Variants in SUCLG2 observed in about 807,000 individuals in gnomAD.
The protein encoded by SUCLG2 is succinate--CoA ligase [GDP-forming] subunit beta, mitochondrial.
SUCLG2 carries 42 observed loss-of-function variants against 47.9 expected under a neutral mutation model. The observed-to-expected ratio is 0.88, with a 90% CI of 0.69 to 1.14. The LOEUF (loss-of-function observed/expected upper bound fraction) is 1.14. Ranked by LOEUF, SUCLG2 falls within the 50% of genes most tolerant of loss-of-function variation. The probability of loss-of-function intolerance (pLI) is 0.00; values close to 1 mark genes in which losing one functional copy is unlikely to be tolerated. For missense variants in SUCLG2, 571 were observed against 525.9 expected (o/e 1.09, Z -0.84); for synonymous variants, 195 against 197.3 (o/e 0.99, Z 0.10).
At chr3:67,380,890 C>T (rs1165754163) in intron 10 of SUCLG2, among the ~76,000 whole-genome samples, 2 of 152,206 alleles carry the variant, frequency 1.3e-5, no homozygotes, top group Non-Finnish European at 2.9e-5. Flanking sequence ...TTGCAGCATT[C>T]AACCTGGTTT....
intron 10 of SUCLG2, among the ~76,000 whole-genome samples, chr3:67,379,110 C>G (rs1702096041): frequency 1.3e-5 from 2 of 152,094 alleles, no homozygotes; most frequent in African/African-American, 4.8e-5. Flanking sequence ...CCTCTCCCAA[C>G]CAATTTTTGT....
intron 9 of SUCLG2, among the ~76,000 whole-genome samples, chr3:67,484,787 C>G (rs571470356): frequency 1.0e-3 from 154 of 152,216 alleles, no homozygotes; most frequent in African/African-American, 3.6e-3. Context: ...AAGGATACAT[C>G]TGATGATGGT....
chr3:67,574,000 A>G (rs550161244), intron 2 of SUCLG2, among the ~76,000 whole-genome samples: 1 of 152,162 alleles, frequency 6.6e-6, no homozygotes, highest in African/African-American at 2.4e-5. Flanking sequence ...CTGGGCTTGT[A>G]GTACTAAGAT....
At chr3:67,426,986 A>T (rs902562935) in intron 9 of SUCLG2, among the ~76,000 whole-genome samples, 1 of 152,138 alleles carries the variant, frequency 6.6e-6, no homozygotes, top group Middle Eastern at 3.2e-3. Flanking sequence ...CTTTAAACAC[A>T]TAAAATAATA....
chr3:67,397,907 G>C (rs6785193), intron 10 of SUCLG2, among the ~76,000 whole-genome samples: 109,697 of 148,100 alleles, frequency 0.74, 41,442 homozygotes, highest in Admixed American at 0.82. Flanking sequence ...CTGACAAAAA[G>C]AAGCAATGGG....
intron 1 of SUCLG2, among the ~76,000 whole-genome samples, chr3:67,637,749 C>G (rs1284493451): frequency 2.6e-5 from 4 of 152,164 alleles, no homozygotes; most frequent in Non-Finnish European, 5.9e-5. Context: ...AGAGAGATGA[C>G]TTGCCCAAGG....
At chr3:67,623,346 A>G (rs1700767720) in intron 1 of SUCLG2, among the ~76,000 whole-genome samples, 1 of 151,910 alleles carries the variant, frequency 6.6e-6, no homozygotes, top group Non-Finnish European at 1.5e-5. Context: ...TAAAAATACA[A>G]AAAAATTAGC....
chr3:67,654,274 G>A (rs1352548462), intron 1 of SUCLG2, among the ~76,000 whole-genome samples: 4 of 152,206 alleles, frequency 2.6e-5, no homozygotes, highest in Non-Finnish European at 5.9e-5. Context: ...CTAGTGCGTT[G>A]GGTCGCTCAT....
chr3:67,375,035 T>C lies in SUCLG2; in HGVS notation c.*709A>G. On this transcript the variant is annotated 3_prime_UTR_variant, in exon 11 of 11. Coordinates refer to ENST00000307227, the MANE Select transcript of SUCLG2 (RefSeq NM_003848.4). ...TCATTTTTGACACAAAAATGGAAGCTTCCACTCCCAAAATCACAAATAAGG... is the reference window on the plus strand; with the variant it reads ...TCATTTTTGACACAAAAATGGAAGCCTCCACTCCCAAAATCACAAATAAGG... 1 of 985,818 alleles carries C rather than the reference T, an allele frequency of 1.0e-6. No homozygotes were observed. Among genetic ancestry groups the C allele is most frequent in the Non-Finnish European group, 1.2e-6 (1 of 829,908 alleles). 61.1% of individuals were successfully genotyped at this position (985,818 alleles called of 1,614,324 possible).
At chr3:67,555,521 G>A (rs752693653) in intron 2 of SUCLG2, among the ~76,000 whole-genome samples, 31 of 152,086 alleles carry the variant, frequency 2.0e-4, no homozygotes, top group Non-Finnish European at 4.4e-5. Context: ...AACAACCAGG[G>A]TTTCTTAGAG....
intron 9 of SUCLG2, among the ~76,000 whole-genome samples, chr3:67,493,165 G>C (rs377372376): frequency 9.2e-5 from 14 of 152,274 alleles, no homozygotes; most frequent in South Asian, 4.1e-4. Context: ...ACTACAGCCA[G>C]TTTGCTTGCA....
chr3:67,485,138 G>C (rs1255350860), intron 9 of SUCLG2, among the ~76,000 whole-genome samples: 1 of 152,206 alleles, frequency 6.6e-6, no homozygotes, highest in African/African-American at 2.4e-5. Context: ...CAGCAACTTA[G>C]AGGGACTGTG....
At chr3:67,467,059 C>T (rs1057032442) in intron 9 of SUCLG2, among the ~76,000 whole-genome samples, 5 of 152,282 alleles carry the variant, frequency 3.3e-5, no homozygotes, top group African/African-American at 1.2e-4. Context: ...AATTGAGAAT[C>T]GGAACTTCCA....
chr3:67,482,138 C>T (rs1475300806), intron 9 of SUCLG2, among the ~76,000 whole-genome samples: 5 of 152,176 alleles, frequency 3.3e-5, no homozygotes, highest in Non-Finnish European at 1.5e-5. Context: ...CAAGATCATG[C>T]CACTGCACTC....
Position 67,654,605 on chromosome 3 carries a change from C to G in SUCLG2, c.-19G>C. On this transcript the variant is annotated 5_prime_UTR_variant, in exon 1 of 11. Transcript: ENST00000307227. Reference sequence around the variant, plus strand: ...ACGCCATCTTAAACAGGAAACTCGGCACGGGGCAGTAGGGCGGGCGCGGGC... The same window carrying G: ...ACGCCATCTTAAACAGGAAACTCGGGACGGGGCAGTAGGGCGGGCGCGGGC... 1.6e-6 allele frequency: 2 copies of G among 1,265,514 alleles called. No homozygotes were observed. Among genetic ancestry groups the G allele is most frequent in the Middle Eastern group, 2.7e-4 (1 of 3,770 alleles). 78.4% of individuals were successfully genotyped at this position (1,265,514 alleles called of 1,614,324 possible). A position where few individuals can be genotyped will look rare whatever the true frequency, so the allele number is the denominator to read the frequency against.
chr3:67,583,357 C>G (rs969471185), intron 2 of SUCLG2, among the ~76,000 whole-genome samples: 20 of 152,188 alleles, frequency 1.3e-4, no homozygotes, highest in African/African-American at 4.3e-4. Context: ...TCCCTACAGG[C>G]CAATTTCGGC....
intron 6 of SUCLG2, among the ~76,000 whole-genome samples, chr3:67,511,056 T>C (rs777258659): frequency 1.4e-4 from 21 of 151,964 alleles, no homozygotes; most frequent in Non-Finnish European, 2.4e-4. Flanking sequence ...GCCTGGCTAA[T>C]TTTTTATATT....
intron 2 of SUCLG2, among the ~76,000 whole-genome samples, chr3:67,551,877 GCC>G (rs1330153509): frequency 6.6e-6 from 1 of 152,068 alleles, no homozygotes; most frequent in East Asian, 1.9e-4. Context: ...AAAGTCACTT[GCC>G]CAATATCACA....
rs145248669 is a variant in SUCLG2, at chr3:67,543,001, A to T, written c.227-13815T>A. ...ACATCTACAGAACTCTCCACCCCCA[A>T]TCAACAGAATATACATTCTTCTCAC... On this transcript the variant is annotated intron_variant, in intron 2 of 10. Coordinates refer to ENST00000307227, the MANE Select transcript of SUCLG2 (RefSeq NM_003848.4). 8.5e-5 allele frequency among the ~76,000 whole-genome samples: 13 copies of T among 152,296 alleles called. No homozygotes were observed. In the South Asian group the frequency reaches 2.5e-3, roughly 29 times the overall value.
Sources: gnomAD v4.1 joint callset for allele counts (sites outside exome capture counted in the v4.1 genomes callset) on GRCh38, gnomAD v4.1.1 for gene constraint, MANE v1.5 for transcripts, NCBI Gene and HGNC (gene_info 2026-07-23, HGNC 2026-07-21) for gene names.